Variants in CMTM4 observed in about 807,000 individuals in gnomAD.
CMTM4 encodes CKLF-like MARVEL transmembrane domain-containing protein 4.
In CMTM4, 8 loss-of-function variants were observed where a neutral mutation model predicts 19.0. The observed-to-expected ratio is 0.42, with a 90% CI of 0.25 to 0.76. CMTM4 has a LOEUF of 0.76. Among genes scored for constraint, CMTM4 ranks in the 30% least tolerant of loss-of-function variants. The probability of loss-of-function intolerance (pLI) is 0.27; values close to 1 mark genes in which losing one functional copy is unlikely to be tolerated. For synonymous variants in CMTM4, 106 were observed against 121.1 expected (o/e 0.88, Z 0.82); for missense variants, 228 against 290.2 (o/e 0.79, Z 1.56).
intron 1 of CMTM4, among the ~76,000 whole-genome samples, chr16:66,661,090 A>G (rs2016492040): frequency 2.0e-5 from 3 of 152,236 alleles, no homozygotes; most frequent in East Asian, 3.8e-4. Flanking sequence ...TTAATGTTCC[A>G]TGTCAGCCTA....
At chr16:66,691,229 T>C (rs2017128837) in intron 1 of CMTM4, among the ~76,000 whole-genome samples, 2 of 152,058 alleles carry the variant, frequency 1.3e-5, no homozygotes, top group Non-Finnish European at 2.9e-5. Context: ...GTGGATCAGG[T>C]GCGGTGGCTC....
At chr16:66,688,626 GC>G (rs1490262945) in intron 1 of CMTM4, among the ~76,000 whole-genome samples, 1 of 151,898 alleles carries the variant, frequency 6.6e-6, no homozygotes, top group East Asian at 1.9e-4. Flanking sequence ...ACCATCACTA[GC>G]CCTTTGCCTG....
chr16:66,687,214 T>G (rs1015928530), intron 1 of CMTM4, among the ~76,000 whole-genome samples: 5 of 151,970 alleles, frequency 3.3e-5, no homozygotes, highest in African/African-American at 1.2e-4. Flanking sequence ...GTGGTCTGTA[T>G]TATCTAAATC....
At chr16:66,687,305 T>C (rs1039887833) in intron 1 of CMTM4, among the ~76,000 whole-genome samples, 5 of 152,184 alleles carry the variant, frequency 3.3e-5, no homozygotes, top group Admixed American at 6.5e-5. Flanking sequence ...TTTAAGGCTA[T>C]ACTAAGGTAA....
Position 66,619,585 on chromosome 16 carries a change from C to T in CMTM4, c.*2473G>A. ...CCAGATATCGATTGTCTTCTGTTTG[C>T]ATATAGAGGCAATATAAGAAAAATA... On this transcript the variant is annotated 3_prime_UTR_variant, in exon 4 of 4. Transcript: ENST00000394106. 1.0e-6 allele frequency: 1 copy of T among 985,324 alleles called. No homozygotes were observed. Among genetic ancestry groups the T allele is most frequent in the Non-Finnish European group, 1.2e-6 (1 of 829,922 alleles). 61.0% of individuals were successfully genotyped at this position (985,324 alleles called of 1,614,324 possible).
At chr16:66,665,262 TAAA>T (rs71145929) in intron 1 of CMTM4, among the ~76,000 whole-genome samples, 13 of 59,704 alleles carry the variant, frequency 2.2e-4, no homozygotes, top group African/African-American at 3.1e-4. Flanking sequence ...CCCTGTTTCT[TAAA>T]AAAAAAAAAA....
At chr16:66,636,374 T>G (rs1170623582) in intron 2 of CMTM4, 31 bp downstream of exon 2, 3 of 1,594,318 alleles carry the variant, frequency 1.9e-6, no homozygotes, top group Non-Finnish European at 2.6e-6. Flanking sequence ...CACGTGATCC[T>G]TTCATGGCCA....
chr16:66,668,588 T>C (rs534643392), intron 1 of CMTM4, among the ~76,000 whole-genome samples: 1 of 152,282 alleles, frequency 6.6e-6, no homozygotes, highest in East Asian at 1.9e-4. Flanking sequence ...TGTCATAATA[T>C]TATGAGTAAG....
At chr16:66,613,310 A>C (rs1476015556), downstream of CMTM4, 3 of 597,952 alleles carry the variant, frequency 5.0e-6, no homozygotes, top group African/African-American at 1.9e-5. Flanking sequence ...GTTTCAAAGA[A>C]GAGCTCATAG....
intron 1 of CMTM4, among the ~76,000 whole-genome samples, chr16:66,678,694 ATG>A (rs1441594036): frequency 1.3e-5 from 2 of 152,176 alleles, no homozygotes; most frequent in African/African-American, 4.8e-5. Flanking sequence ...TTCATGGAAC[ATG>A]TGTGTGCATG....
At chr16:66,663,691 C>T (rs142295086) in intron 1 of CMTM4, among the ~76,000 whole-genome samples, 35 of 151,326 alleles carry the variant, frequency 2.3e-4, no homozygotes, top group African/African-American at 7.3e-4. Context: ...TACAGGCAAG[C>T]GCCGCCACAC....
intron 1 of CMTM4, among the ~76,000 whole-genome samples, chr16:66,687,117 C>T (rs559997461): frequency 4.7e-5 from 7 of 150,156 alleles, no homozygotes; most frequent in South Asian, 4.2e-4. Flanking sequence ...ATTTATTAAG[C>T]ACCCACTATT....
Position 66,696,425 on chromosome 16 carries a change from A to T in CMTM4, c.101T>A (p.Val34Glu). ...SSPYQPTTEP[V>E]SQRRGLAGLR... ...GCCGGCCAGCCCGCGGCGCTGGCTC[A>T]CCGGCTCGGTGGTGGGCTGGTACGG... Residue 34 changes from valine (V) to glutamate (E), a missense_variant, in exon 1 of 4, where the codon GTG becomes GAG. Around this residue, in one of 3 missense-constraint regions of CMTM4, gnomAD observed 200 missense variants for 226.6 expected, o/e 0.88. Coordinates refer to ENST00000394106, the MANE Select transcript of CMTM4 (RefSeq NM_181521.3). This position sits in a 1 kb window ranked among gnomAD's most constrained non-coding sequence, Gnocchi z 4.3. 7.2e-7 allele frequency: 1 copy of T among 1,397,614 alleles called. No homozygotes were observed. The highest frequency in any genetic ancestry group is 1.5e-5 in the South Asian group (1 of 68,660). 86.6% of individuals were successfully genotyped at this position (1,397,614 alleles called of 1,614,324 possible).
At position 66,619,085 on chromosome 16, in the gene CMTM4, C is replaced by T. The variant is rs1425092850; in HGVS notation, c.*2973G>A. On this transcript the variant is annotated 3_prime_UTR_variant, in exon 4 of 4. Coordinates refer to ENST00000394106, the MANE Select transcript of CMTM4 (RefSeq NM_181521.3). ...CTGACGAGATTTTAATCTGAAACTG[C>T]ATCTGTTCTTCCCAGCTTTATGTGG... The T allele has an allele frequency of 5.1e-6, 5 of 985,388 alleles. No homozygotes were observed. Among genetic ancestry groups the T allele is most frequent in the Non-Finnish European group, 6.0e-6 (5 of 829,956 alleles). 61.0% of individuals were successfully genotyped at this position (985,388 alleles called of 1,614,324 possible). A position where few individuals can be genotyped will look rare whatever the true frequency, so the allele number is the denominator to read the frequency against.
chr16:66,676,574 C>T (rs1476829912), intron 1 of CMTM4, among the ~76,000 whole-genome samples: 1 of 152,226 alleles, frequency 6.6e-6, no homozygotes, highest in African/African-American at 2.4e-5. Flanking sequence ...CGCACAATAA[C>T]TTCACGATCC....
At chr16:66,640,810 A>G (rs1428528470) in intron 1 of CMTM4, among the ~76,000 whole-genome samples, 1 of 152,156 alleles carries the variant, frequency 6.6e-6, no homozygotes, top group Non-Finnish European at 1.5e-5. Flanking sequence ...ACCAGCTGCC[A>G]TGTCTTGAGG....
At chr16:66,613,133 GA>G (rs2015446822), downstream of CMTM4, 1 of 703,044 alleles carries the variant, frequency 1.4e-6, no homozygotes, top group Non-Finnish European at 2.6e-6. Flanking sequence ...ACCCTTCCAA[GA>G]ATCTTTGGTT....
downstream of CMTM4, among the ~76,000 whole-genome samples, chr16:66,612,401 AAG>A (rs922225945): frequency 6.6e-6 from 1 of 151,976 alleles, no homozygotes; most frequent in Non-Finnish European, 1.5e-5. The surrounding 1 kb of genome is among the most constrained non-coding windows in gnomAD (Gnocchi z 6.0). Context: ...ACAAAAAAAA[AAG>A]AGAGAGAGAA....
intron 2 of CMTM4, among the ~76,000 whole-genome samples, chr16:66,630,722 C>T (rs544764727): frequency 1.9e-3 from 296 of 152,312 alleles, no homozygotes; most frequent in Non-Finnish European, 3.6e-3. Context: ...CCTTGGCCTC[C>T]CAAAGTGCTG....
Sources: allele counts gnomAD v4.1 joint callset (sites outside exome capture counted in the v4.1 genomes callset), GRCh38; gene constraint gnomAD v4.1.1; regional missense constraint gnomAD v4.1.1; non-coding constraint Gnocchi (gnomAD v3.1); transcripts MANE v1.5; gene names NCBI Gene and HGNC (gene_info 2026-07-23, HGNC 2026-07-21).